Variants in RIMS2 observed in about 807,000 individuals in gnomAD.
The protein encoded by RIMS2 is regulating synaptic membrane exocytosis protein 2.
In RIMS2, 59 loss-of-function variants were observed where a neutral mutation model predicts 174.4. The ratio of observed to expected loss-of-function variants is 0.34; its 90% confidence interval spans 0.27 to 0.42. The LOEUF (loss-of-function observed/expected upper bound fraction) is 0.42. RIMS2 is among the 10% of genes least tolerant of loss of function. RIMS2 has a pLI of 1.00. For missense variants in RIMS2, 1,620 were observed against 1,666.3 expected, an observed-to-expected ratio of 0.97 and a Z score of 0.48; for synonymous variants, 606 against 572.5, an observed-to-expected ratio of 1.06 and a Z score of -0.84.
intron 1 of RIMS2, among the ~76,000 whole-genome samples, chr8:103,670,401 C>T (rs1012873199): frequency 2.0e-5 from 3 of 152,206 alleles, no homozygotes; most frequent in Non-Finnish European, 2.9e-5. Flanking sequence ...TTTGGCTCCT[C>T]GTTACTTAAG....
chr8:103,757,354 T>A (rs1190749358), intron 2 of RIMS2, among the ~76,000 whole-genome samples: 1 of 152,196 alleles, frequency 6.6e-6, no homozygotes, highest in Non-Finnish European at 1.5e-5. Context: ...TTTTAATTAA[T>A]TAATTTGGTG....
chr8:104,064,872 T>C (rs1173709586), intron 19 of RIMS2, among the ~76,000 whole-genome samples: 1 of 152,050 alleles, frequency 6.6e-6, no homozygotes, highest in Non-Finnish European at 1.5e-5. Context: ...TGTTTTGATA[T>C]TTGATTTGAT....
At chr8:103,978,025 G>A (rs2093596437) in intron 16 of RIMS2, among the ~76,000 whole-genome samples, 1 of 152,096 alleles carries the variant, frequency 6.6e-6, no homozygotes. Flanking sequence ...CTGTAGACTG[G>A]TCCTATCATG....
chr8:104,158,124 A>C (rs1399912462), intron 19 of RIMS2, among the ~76,000 whole-genome samples: 1 of 152,048 alleles, frequency 6.6e-6, no homozygotes, highest in Admixed American at 6.6e-5. Context: ...TTCAACTCCA[A>C]CTTATGAGTG....
At chr8:103,532,955 G>C (rs1244370776) in intron 1 of RIMS2, among the ~76,000 whole-genome samples, 1 of 152,174 alleles carries the variant, frequency 6.6e-6, no homozygotes, top group Non-Finnish European at 1.5e-5. Flanking sequence ...AAAGCACTGG[G>C]TTTATTATGT....
At chr8:103,745,810 G>T (rs1337893854) in intron 2 of RIMS2, among the ~76,000 whole-genome samples, 1 of 152,126 alleles carries the variant, frequency 6.6e-6, no homozygotes, top group African/African-American at 2.4e-5. Context: ...AGGTTGGGTT[G>T]TTGTTGGGTT....
intron 2 of RIMS2, among the ~76,000 whole-genome samples, chr8:103,760,287 A>C (rs887733837): frequency 6.6e-6 from 1 of 152,348 alleles, no homozygotes; most frequent in Middle Eastern, 3.4e-3. Context: ...AAATGCTGTG[A>C]TTACAATTCA....
At chr8:104,139,330 T>C (rs1393757289) in intron 19 of RIMS2, among the ~76,000 whole-genome samples, 4 of 152,172 alleles carry the variant, frequency 2.6e-5, no homozygotes, top group Non-Finnish European at 2.9e-5. Flanking sequence ...ACAGATTACA[T>C]TGAATCTGTA....
At chr8:103,836,290 T>C (rs2154483072) in intron 3 of RIMS2, among the ~76,000 whole-genome samples, 1 of 152,286 alleles carries the variant, frequency 6.6e-6, no homozygotes, top group East Asian at 1.9e-4. Flanking sequence ...GGGCATGGTG[T>C]TTGTAACCCC....
chr8:104,168,273 A>G (rs2098809629), intron 19 of RIMS2, among the ~76,000 whole-genome samples: 1 of 152,116 alleles, frequency 6.6e-6, no homozygotes, highest in Non-Finnish European at 1.5e-5. Context: ...CATTTTCACA[A>G]TATTAATTCT....
chr8:104,104,611 TAA>T (rs1415975433), intron 19 of RIMS2, among the ~76,000 whole-genome samples: 1 of 152,154 alleles, frequency 6.6e-6, no homozygotes, highest in Non-Finnish European at 1.5e-5. Flanking sequence ...GTTTTAGTTA[TAA>T]TATGTCTTTG....
At chr8:104,019,093 G>A (rs1480939880) in intron 19 of RIMS2, among the ~76,000 whole-genome samples, 1 of 152,158 alleles carries the variant, frequency 6.6e-6, no homozygotes, top group Non-Finnish European at 1.5e-5. Context: ...AGCTACTTGG[G>A]AGACTGAAGC....
intron 19 of RIMS2, among the ~76,000 whole-genome samples, chr8:104,186,415 C>T (rs903758307): frequency 1.3e-5 from 2 of 151,704 alleles, no homozygotes; most frequent in Non-Finnish European, 3.0e-5. Flanking sequence ...ACATCTAAAG[C>T]TTCAATATAA....
At chr8:103,649,592 T>C (rs2096410506) in intron 1 of RIMS2, among the ~76,000 whole-genome samples, 1 of 151,888 alleles carries the variant, frequency 6.6e-6, no homozygotes, top group African/African-American at 2.4e-5. Context: ...AGTCTTAGGT[T>C]CTGTCTTTTT....
chr8:103,947,906 A>G (rs1177742256), intron 14 of RIMS2, among the ~76,000 whole-genome samples: 1 of 152,198 alleles, frequency 6.6e-6, no homozygotes, highest in Non-Finnish European at 1.5e-5. Flanking sequence ...CTGAAACATC[A>G]TTATACAGCA....
chr8:104,091,847 A>G (rs2097665267), intron 19 of RIMS2, among the ~76,000 whole-genome samples: 1 of 151,630 alleles, frequency 6.6e-6, no homozygotes, highest in Non-Finnish European at 1.5e-5. Flanking sequence ...TGTTTCTTTT[A>G]AAATTAAACC....
intron 9 of RIMS2, among the ~76,000 whole-genome samples, chr8:103,921,337 G>A (rs2154529577): frequency 6.6e-6 from 1 of 152,024 alleles, no homozygotes; most frequent in East Asian, 1.9e-4. Context: ...ATTACTCCTT[G>A]TTTCTACTTT....
At chr8:104,024,891 G>A (rs767785169) in intron 19 of RIMS2, among the ~76,000 whole-genome samples, 6 of 152,000 alleles carry the variant, frequency 3.9e-5, no homozygotes, top group Admixed American at 2.0e-4. Context: ...TTCATATTCC[G>A]CTATTACCTA....
intron 15 of RIMS2, among the ~76,000 whole-genome samples, chr8:103,965,006 T>C (rs1565568058): frequency 6.6e-6 from 1 of 152,188 alleles, no homozygotes; most frequent in Non-Finnish European, 1.5e-5. Flanking sequence ...TATGTTCCAT[T>C]GATTTATTTG....
Sources: allele counts gnomAD v4.1 joint callset (sites outside exome capture counted in the v4.1 genomes callset), GRCh38; gene constraint gnomAD v4.1.1; transcripts MANE v1.5; gene names NCBI Gene and HGNC (gene_info 2026-07-23, HGNC 2026-07-21).